The following PABPC4L variants were observed in gnomAD, a reference collection of about 807,000 sequenced individuals.
PABPC4L encodes polyadenylate-binding protein 4-like.
For synonymous variants in PABPC4L, 169 were observed against 164.1 expected (o/e 1.03, Z -0.23); for missense variants, 452 against 451.4 (o/e 1.00, Z -0.01).
chr4:134,060,847 T>A, the PABPC4L span, among the ~76,000 whole-genome samples: 2 of 152,022 alleles, frequency 1.3e-5, no homozygotes, highest in Non-Finnish European at 2.9e-5. Context: ...TGTTTTCACT[T>A]ATTTGTGAGA....
the PABPC4L span, among the ~76,000 whole-genome samples, chr4:134,171,171 A>AC: frequency 1.3e-3 from 191 of 152,262 alleles, 1 homozygote; most frequent in African/African-American, 4.4e-3. Context: ...GCTGCAGTAC[A>AC]GTGGCACAAT....
chr4:134,041,917 CTAA>C, the PABPC4L span, among the ~76,000 whole-genome samples: 1 of 152,058 alleles, frequency 6.6e-6, no homozygotes, highest in East Asian at 1.9e-4. Context: ...AGCAATCCCA[CTAA>C]TAAGTATCTA....
At chr4:134,175,880 GA>G in the PABPC4L span, among the ~76,000 whole-genome samples, 1 of 151,828 alleles carries the variant, frequency 6.6e-6, no homozygotes, top group Non-Finnish European at 1.5e-5. Context: ...ACAAATAGAA[GA>G]AAAAAAATTG....
chr4:134,040,431 C>T, the PABPC4L span, among the ~76,000 whole-genome samples: 22,653 of 151,982 alleles, frequency 0.15, 1,997 homozygotes, highest in Non-Finnish European at 0.19. Context: ...CACACATCTA[C>T]AATCACCTGA....
chr4:134,022,025 C>T, the PABPC4L span, among the ~76,000 whole-genome samples: 1 of 152,068 alleles, frequency 6.6e-6, no homozygotes, highest in African/African-American at 2.4e-5. Flanking sequence ...TTTAATGCTA[C>T]ACAGGAGCAG....
At chr4:134,037,973 T>A in the PABPC4L span, among the ~76,000 whole-genome samples, 14 of 152,254 alleles carry the variant, frequency 9.2e-5, no homozygotes, top group African/African-American at 3.4e-4. Context: ...CATAAATAGC[T>A]CTTATTATTT....
the PABPC4L span, among the ~76,000 whole-genome samples, chr4:134,087,240 C>T: frequency 1.3e-5 from 2 of 151,992 alleles, no homozygotes; most frequent in East Asian, 3.9e-4. Flanking sequence ...CCATGGAATA[C>T]TATGCAGCCA....
At chr4:134,065,336 C>A in the PABPC4L span, among the ~76,000 whole-genome samples, 4 of 74,438 alleles carry the variant, frequency 5.4e-5, no homozygotes, top group Non-Finnish European at 1.1e-4. Flanking sequence ...TTGTATTTAT[C>A]TAATATTAGT....
chr4:134,129,283 C>T, the PABPC4L span, among the ~76,000 whole-genome samples: 1 of 151,968 alleles, frequency 6.6e-6, no homozygotes, highest in African/African-American at 2.4e-5. Flanking sequence ...AGAAAGTCAA[C>T]AAAGAAAGAA....
At chr4:133,950,361 G>T in the PABPC4L span, among the ~76,000 whole-genome samples, 4 of 152,188 alleles carry the variant, frequency 2.6e-5, no homozygotes, top group East Asian at 7.7e-4. Context: ...TTTTGAAATG[G>T]TCTTAACCCG....
the PABPC4L span, among the ~76,000 whole-genome samples, chr4:134,009,797 G>C: frequency 6.6e-6 from 1 of 152,024 alleles, no homozygotes; most frequent in South Asian, 2.1e-4. Context: ...TTCCCCAATA[G>C]AGGGAATTTA....
At chr4:134,017,417 C>T in the PABPC4L span, among the ~76,000 whole-genome samples, 7 of 152,104 alleles carry the variant, frequency 4.6e-5, no homozygotes, top group Non-Finnish European at 4.4e-5. Flanking sequence ...GTCATCCCTA[C>T]TTCTTCTGTC....
the PABPC4L span, among the ~76,000 whole-genome samples, chr4:134,179,494 T>A: frequency 6.6e-6 from 1 of 151,930 alleles, no homozygotes; most frequent in African/African-American, 2.4e-5. Context: ...CTGCATAATA[T>A]CCAGCTAACA....
the PABPC4L span, among the ~76,000 whole-genome samples, chr4:134,151,475 C>T: frequency 3.9e-5 from 6 of 152,016 alleles, no homozygotes; most frequent in Non-Finnish European, 8.8e-5. Flanking sequence ...GAAAACTTTT[C>T]CTGATATAAA....
At chr4:134,072,338 T>G in the PABPC4L span, among the ~76,000 whole-genome samples, 1 of 152,150 alleles carries the variant, frequency 6.6e-6, no homozygotes, top group South Asian at 2.1e-4. Context: ...ATAGCCCTCT[T>G]TCTGAGCCTT....
the PABPC4L span, among the ~76,000 whole-genome samples, chr4:134,137,758 T>C: frequency 7.2e-5 from 11 of 152,044 alleles, no homozygotes; most frequent in Admixed American, 6.6e-4. Context: ...ATTCTTTCTA[T>C]AATGGACTAT....
chr4:134,200,622 T>G lies in PABPC4L; in HGVS notation c.398A>C (p.Asp133Ala), dbSNP rs1729830985. The change falls in exon 2 of 2, where the codon GAT (aspartate) becomes GCT (alanine). Residue 133 changes from aspartate to alanine, a missense_variant. Transcript: ENST00000421491. ...AAATGCATAGCCCTTGGAGCCTTGATCATCACTCATCACCTTGGAGGAAAG... is the reference window on the plus strand; with the variant it reads ...AAATGCATAGCCCTTGGAGCCTTGAGCATCACTCATCACCTTGGAGGAAAG... The part of the protein sequence containing the change: ...KILSSKVMSD[D>A]QGSKGYAFVH... 6 of 1,551,616 alleles carry G rather than the reference T, an allele frequency of 3.9e-6. No homozygotes were observed. Among genetic ancestry groups the G allele is most frequent in the Non-Finnish European group, 5.2e-6 (6 of 1,146,960 alleles).
At chr4:134,110,943 A>G in the PABPC4L span, among the ~76,000 whole-genome samples, 1 of 152,038 alleles carries the variant, frequency 6.6e-6, no homozygotes, top group African/African-American at 2.4e-5. Flanking sequence ...GTATGTGTAT[A>G]TATGTATACA....
At chr4:134,048,807 CT>C in the PABPC4L span, among the ~76,000 whole-genome samples, 5 of 151,996 alleles carry the variant, frequency 3.3e-5, no homozygotes, top group African/African-American at 1.2e-4. Context: ...TTAATTAATG[CT>C]GAGAAAGGAA....
Sources: allele counts gnomAD v4.1 joint callset (sites outside exome capture counted in the v4.1 genomes callset), GRCh38; gene constraint gnomAD v4.1.1; transcripts MANE v1.5; gene names NCBI Gene and HGNC (gene_info 2026-07-23, HGNC 2026-07-21).